The following RNF19B variants were observed in gnomAD, a reference collection of about 807,000 sequenced individuals.
RNF19B encodes ring finger protein 19B, also known as E3 ubiquitin-protein ligase RNF19B.
A neutral mutation model predicts 65.5 loss-of-function variants in RNF19B; 23 were observed. The ratio of observed to expected loss-of-function variants is 0.35; its 90% confidence interval spans 0.25 to 0.50. The LOEUF (loss-of-function observed/expected upper bound fraction) is 0.50, where lower values mean the gene tolerates loss of function less well. RNF19B is among the 20% of genes least tolerant of loss of function. The probability of loss-of-function intolerance (pLI) is 0.98; values close to 1 mark genes in which losing one functional copy is unlikely to be tolerated. For missense variants in RNF19B, 794 were observed against 980.0 expected, an observed-to-expected ratio of 0.81 and a Z score of 2.53; for synonymous variants, 372 against 379.6, an observed-to-expected ratio of 0.98 and a Z score of 0.23.
intron 6 of RNF19B, among the ~76,000 whole-genome samples, chr1:32,942,784 G>A (rs1443543102): frequency 1.3e-5 from 2 of 152,112 alleles, no homozygotes; most frequent in Non-Finnish European, 2.9e-5. Flanking sequence ...GTAACCAAAC[G>A]TGAAGATTTA....
chr1:32,961,991 G>A (rs1486132030), intron 1 of RNF19B, among the ~76,000 whole-genome samples: 1 of 142,136 alleles, frequency 7.0e-6, no homozygotes, highest in South Asian at 2.2e-4. Flanking sequence ...TTTTTTTCTT[G>A]AGACAGAATC....
chr1:32,941,424 C>CA (rs1360260487), intron 7 of RNF19B, among the ~76,000 whole-genome samples: 2 of 152,100 alleles, frequency 1.3e-5, no homozygotes, highest in Non-Finnish European at 2.9e-5. Context: ...CCTGTAGTCC[C>CA]AGCCTCTTGG....
intron 5 of RNF19B, 128 bp from the exon 6 acceptor site, chr1:32,944,287 A>G: frequency 9.8e-7 from 1 of 1,024,758 alleles, no homozygotes; most frequent in Non-Finnish European, 1.4e-6. Context: ...TATCCCAAAA[A>G]GGTGGCCTGG....
chr1:32,943,212 C>T lies in RNF19B; in HGVS notation c.1403-753G>A, dbSNP rs184586150. Among the ~76,000 whole-genome samples the T allele has an allele frequency of 5.2e-3, 784 of 151,926 alleles. 9 individuals carry two copies. Among genetic ancestry groups the T allele is most frequent in the African/African-American group, 0.018 (727 of 41,450 alleles). On this transcript the variant is annotated intron_variant, in intron 6 of 8. Coordinates refer to ENST00000235150, the MANE Select transcript of RNF19B (RefSeq NM_001300826.2). Reference sequence around the variant, plus strand: ...GGTTTTCTACGTTACTTGTGCCCTACGTTACTTACTACGAGTAGAAACCAC... The same window carrying T: ...GGTTTTCTACGTTACTTGTGCCCTATGTTACTTACTACGAGTAGAAACCAC...
intron 5 of RNF19B, among the ~76,000 whole-genome samples, chr1:32,944,593 G>A (rs1288786215): frequency 6.6e-6 from 1 of 152,142 alleles, no homozygotes; most frequent in East Asian, 1.9e-4. Context: ...TTACTGCTGT[G>A]TGAGGTAGAA....
chr1:32,949,752 A>G lies in RNF19B; in HGVS notation c.658T>C (p.Cys220Arg), dbSNP rs1410727448. 1 of 1,613,998 alleles carries G rather than the reference A, an allele frequency of 6.2e-7. No homozygotes were observed. Among genetic ancestry groups the G allele is most frequent in the Admixed American group, 1.7e-5 (1 of 59,988 alleles). Residue 220 changes from cysteine (C) to arginine (R), a missense_variant, in exon 2 of 9, where the codon TGT (cysteine) becomes CGT (arginine). Physicochemically the swap from Cys to Arg is radical, Grantham distance 180. Transcript: ENST00000235150. Reference sequence around the variant, plus strand: ...CAAGTTAGCTTCGGGCAGCTGGCACAGCCATAGGCAATAACAGCATAACTA... The same window carrying G: ...CAAGTTAGCTTCGGGCAGCTGGCACGGCCATAGGCAATAACAGCATAACTA... ...DCGYAVIAYG[C>R]ASCPKLTCER...
chr1:32,940,056 G>A (rs545593870), intron 7 of RNF19B, among the ~76,000 whole-genome samples: 1 of 152,338 alleles, frequency 6.6e-6, no homozygotes, highest in South Asian at 2.1e-4. Flanking sequence ...TTGCTTTGCT[G>A]CTCCAGCTTC....
chr1:32,955,482 C>A (rs1241375208), intron 1 of RNF19B, among the ~76,000 whole-genome samples: 2 of 151,640 alleles, frequency 1.3e-5, no homozygotes, highest in Non-Finnish European at 2.9e-5. Context: ...GTAATCCCAG[C>A]ACTTTGGGAA....
intron 1 of RNF19B, among the ~76,000 whole-genome samples, chr1:32,953,519 T>C (rs1642560802): frequency 6.6e-6 from 1 of 152,116 alleles, no homozygotes; most frequent in South Asian, 2.1e-4. Context: ...TTGAGAATGA[T>C]GCTGAAAATA....
In RNF19B at chr1:32,945,503, G is replaced by C. The variant is rs1357660039; in HGVS notation, c.1261+11C>G. Reference sequence around the variant, plus strand: ...GCTGAGAGAGAAGAGGTGTGGTCCTGACTAGCTTACCAACACTAACTGCAG... The same window carrying C: ...GCTGAGAGAGAAGAGGTGTGGTCCTCACTAGCTTACCAACACTAACTGCAG... On this transcript the variant is annotated intron_variant, in intron 5 of 8. Transcript: ENST00000235150. The C allele has an allele frequency of 3.9e-6, 6 of 1,558,064 alleles. No individual in the cohort carries two copies. Among genetic ancestry groups the C allele is most frequent in the Non-Finnish European group, 5.3e-6 (6 of 1,129,094 alleles).
At position 32,946,389 on chromosome 1, in the gene RNF19B, A is replaced by G; in HGVS notation, c.1146+13T>C. 1 of 1,612,270 alleles carries G rather than the reference A, an allele frequency of 6.2e-7. No individual in the cohort carries two copies. Among genetic ancestry groups the G allele is most frequent in the Non-Finnish European group, 8.5e-7 (1 of 1,178,874 alleles). On this transcript the variant is annotated intron_variant, in intron 4 of 8. Transcript: ENST00000235150. Reference sequence around the variant, plus strand: ...AGTTGAAACAAGCACAGAAACCAGCATGTCTTTCTTACCTTCCTTCCAACA... The same window carrying G: ...AGTTGAAACAAGCACAGAAACCAGCGTGTCTTTCTTACCTTCCTTCCAACA...
intron 1 of RNF19B, among the ~76,000 whole-genome samples, chr1:32,961,189 T>G (rs1195182527): frequency 2.0e-5 from 3 of 152,100 alleles, no homozygotes; most frequent in African/African-American, 7.2e-5. Flanking sequence ...TAGACCTATT[T>G]CAGATAAGAA....
intron 1 of RNF19B, among the ~76,000 whole-genome samples, chr1:32,953,518 A>C (rs1400740868): frequency 1.3e-5 from 2 of 152,100 alleles, no homozygotes; most frequent in East Asian, 3.8e-4. Flanking sequence ...CTTGAGAATG[A>C]TGCTGAAAAT....
the RNF19B span, among the ~76,000 whole-genome samples, chr1:32,930,585 T>C: frequency 6.6e-6 from 1 of 152,034 alleles, no homozygotes; most frequent in African/African-American, 2.4e-5. Context: ...TTTTTTAACT[T>C]TTTGTAGAGA....
chr1:32,939,936 G>T (rs1381051876), intron 7 of RNF19B, among the ~76,000 whole-genome samples: 2 of 152,186 alleles, frequency 1.3e-5, no homozygotes, highest in Non-Finnish European at 2.9e-5. Flanking sequence ...GCCAGCATGT[G>T]GGGGCGGGAT....
chr1:32,930,777 C>A, the RNF19B span, among the ~76,000 whole-genome samples: 1 of 152,200 alleles, frequency 6.6e-6, no homozygotes, highest in Non-Finnish European at 1.5e-5. Context: ...GTCCAGGTTT[C>A]ATCCAACAAC....
intron 7 of RNF19B, among the ~76,000 whole-genome samples, chr1:32,941,088 G>A (rs769823171): frequency 8.5e-5 from 13 of 152,048 alleles, no homozygotes; most frequent in Non-Finnish European, 1.6e-4. Context: ...GCTGGGTGTG[G>A]TGTGTGCACT....
chr1:32,938,575 C>T, intron 7 of RNF19B, 47 bp from the exon 8 acceptor site: 1 of 1,587,306 alleles, frequency 6.3e-7, no homozygotes, highest in African/African-American at 1.3e-5. Context: ...CTGGGTATTC[C>T]AAGACAGTCT....
chr1:32,947,672 A>G (rs1038828937), intron 3 of RNF19B, among the ~76,000 whole-genome samples: 3 of 152,018 alleles, frequency 2.0e-5, no homozygotes, highest in Non-Finnish European at 4.4e-5. Context: ...AAAAAAAAAA[A>G]AAAGAATTCA....
Sources: allele counts gnomAD v4.1 joint callset (sites outside exome capture counted in the v4.1 genomes callset), GRCh38; gene constraint gnomAD v4.1.1; transcripts MANE v1.5; gene names NCBI Gene and HGNC (gene_info 2026-07-23, HGNC 2026-07-21).